The following SMARCD3 variants were observed in gnomAD, a reference collection of about 807,000 sequenced individuals.
SMARCD3 encodes the protein SWI/SNF related BAF chromatin remodeling complex subunit D3.
Under a neutral mutation model 58.0 loss-of-function variants are expected in SMARCD3, and 14 were observed. That is an observed-to-expected ratio of 0.24 (90% confidence interval 0.16 to 0.38). SMARCD3 has a LOEUF of 0.38. SMARCD3 is among the 10% of genes least tolerant of loss of function. The pLI is 1.00. For synonymous variants in SMARCD3, 253 were observed against 253.8 expected (o/e 1.00, Z 0.03); for missense variants, 408 against 636.9 (o/e 0.64, Z 3.87).
At chr7:151,271,344 G>A (rs1795169535) in intron 2 of SMARCD3, among the ~76,000 whole-genome samples, 1 of 152,112 alleles carries the variant, frequency 6.6e-6, no homozygotes. Flanking sequence ...AGCAAACCCA[G>A]GTTAGGGAGT....
In SMARCD3 at chr7:151,248,689, C is replaced by A. The variant is rs978780986; in HGVS notation, c.-127G>T. 4 of 1,411,698 alleles carry A rather than the reference C, an allele frequency of 2.8e-6. No homozygotes were observed. The African/African-American group carries it at 4.4e-5, about 16-fold the overall frequency. The allele number at this position is 1,411,698 out of a possible 1,614,324, so 87.4% of individuals were successfully genotyped here. A position where few individuals can be genotyped will look rare whatever the true frequency, so the allele number is the denominator to read the frequency against. On this transcript the variant is annotated 5_prime_UTR_variant, in exon 1 of 13. Transcript: ENST00000262188. This position sits in a 1 kb window ranked among gnomAD's most constrained non-coding sequence, Gnocchi z 6.1. ...GGGCTCTCTCACACTTCTACTCGAGCGGAGTGGGGAGGGGGCCCCTTCAGG... is the reference window on the plus strand; with the variant it reads ...GGGCTCTCTCACACTTCTACTCGAGAGGAGTGGGGAGGGGGCCCCTTCAGG...
In SMARCD3 at chr7:151,245,665, C is replaced by T. The variant is rs1186777928; in HGVS notation, c.85G>A (p.Gly29Arg). The T allele has an allele frequency of 5.0e-6, 2 of 397,658 alleles. No homozygotes were observed. Among genetic ancestry groups the T allele is most frequent in the African/African-American group, 2.2e-5 (1 of 45,636 alleles). 24.6% of individuals were successfully genotyped at this position (397,658 alleles called of 1,614,324 possible). Residue 29 changes from glycine to arginine, a missense_variant, in exon 2 of 13, where the codon GGG (glycine) becomes AGG (arginine). By Grantham distance (125) the Gly-to-Arg change is moderately radical. Transcript: ENST00000262188. The surrounding 1 kb of genome is among the most constrained non-coding windows in gnomAD (Gnocchi z 6.2). Reference sequence around the variant, plus strand: ...GGCATCCGGGCTCCAGACGGCATCCCGGGGCGCTGGGGGTGGGCGGGGGTG... The same window carrying T: ...GGCATCCGGGCTCCAGACGGCATCCTGGGGCGCTGGGGGTGGGCGGGGGTG... ...FEFLVHGVRP[G>R]MPSGARMPHQ...
rs1049158509 is a variant in SMARCD3, at chr7:151,256,507, C to T, written c.40-10836G>A. On this transcript the variant is annotated intron_variant, in intron 2 of 13. Coordinates refer to the SMARCD3 transcript ENST00000356800. Reference sequence around the variant, plus strand: ...CTCTTGACTCTCTTAAGAGGTAAATCCAGCTTCACCAGCTCCTCCCCTGCA... The same window carrying T: ...CTCTTGACTCTCTTAAGAGGTAAATTCAGCTTCACCAGCTCCTCCCCTGCA... 3.3e-5 allele frequency among the ~76,000 whole-genome samples: 5 copies of T among 152,204 alleles called. No homozygotes were observed. In the South Asian group the frequency reaches 8.3e-4, roughly 25 times the overall value.
At position 151,245,402 on chromosome 7, in the gene SMARCD3, T is replaced by C; in HGVS notation, c.290+58A>G. 3.0e-6 allele frequency: 2 copies of C among 667,962 alleles called. No homozygotes were observed. Among genetic ancestry groups the C allele is most frequent in the East Asian group, 3.5e-5 (1 of 28,394 alleles). The allele number at this position is 667,962 out of a possible 1,614,324, so 41.4% of individuals were successfully genotyped here. A position where few individuals can be genotyped will look rare whatever the true frequency, so the allele number is the denominator to read the frequency against. On this transcript the variant is annotated intron_variant, in intron 2 of 12. Coordinates refer to ENST00000262188, the MANE Select transcript of SMARCD3 (RefSeq NM_001003801.2). This position sits in a 1 kb window ranked among gnomAD's most constrained non-coding sequence, Gnocchi z 6.2. ...CCCCGCTACTCGCTTACCTGGTCCC[T>C]GCGGGTCCCCCAGGGCCCGCCCCTG...
At chr7:151,240,362 G>A (rs1349358804) in intron 9 of SMARCD3, 63 bp downstream of exon 9, 3 of 1,588,024 alleles carry the variant, frequency 1.9e-6, no homozygotes, top group Non-Finnish European at 2.6e-6. Context: ...AGGAGAGGGA[G>A]GGGCAGGGAA....
At chr7:151,268,975 C>T (rs1795077076) in intron 2 of SMARCD3, among the ~76,000 whole-genome samples, 1 of 152,272 alleles carries the variant, frequency 6.6e-6, no homozygotes, top group East Asian at 1.9e-4. Context: ...TACTCTGCCC[C>T]CAGTCACTTC....
At chr7:151,250,673 C>A (rs2150600962), upstream of SMARCD3, among the ~76,000 whole-genome samples, 1 of 152,132 alleles carries the variant, frequency 6.6e-6, no homozygotes, top group South Asian at 2.1e-4. Context: ...TGCCATCTAC[C>A]CAGCACCATG....
chr7:151,244,358 G>A (rs963614434), intron 2 of SMARCD3, among the ~76,000 whole-genome samples: 2 of 152,156 alleles, frequency 1.3e-5, no homozygotes, highest in Non-Finnish European at 2.9e-5. Flanking sequence ...ACTAGGCCCG[G>A]GGTAGTAGCA....
intron 2 of SMARCD3, among the ~76,000 whole-genome samples, chr7:151,263,652 T>C (rs769635831): frequency 2.0e-5 from 3 of 152,218 alleles, no homozygotes; most frequent in African/African-American, 4.8e-5. Flanking sequence ...GCAAATTTTA[T>C]TGGTTTCACC....
intron 2 of SMARCD3, among the ~76,000 whole-genome samples, chr7:151,259,939 C>T (rs138872080): frequency 1.6e-4 from 24 of 152,198 alleles, no homozygotes; most frequent in African/African-American, 5.5e-4. Context: ...GTAATAACAT[C>T]GGCTTAGATT....
Position 151,245,142 on chromosome 7 carries a change from A to G in SMARCD3, c.290+318T>C, listed in dbSNP as rs1212787784. Among the ~76,000 whole-genome samples, 1 of 132,642 alleles carries G rather than the reference A, an allele frequency of 7.5e-6. No homozygotes were observed. Among genetic ancestry groups the G allele is most frequent in the East Asian group, 2.2e-4 (1 of 4,518 alleles). 87.0% of individuals were successfully genotyped at this position (132,642 alleles called of 152,430 possible). On this transcript the variant is annotated intron_variant, in intron 2 of 12. Coordinates refer to ENST00000262188, the MANE Select transcript of SMARCD3 (RefSeq NM_001003801.2). This position sits in a 1 kb window ranked among gnomAD's most constrained non-coding sequence, Gnocchi z 6.2. Reference sequence around the variant, plus strand: ...CCACTGGAAGCCCCGCCCCCACCCCAAAGACTGAAGCATCACCCAGAACCT... The same window carrying G: ...CCACTGGAAGCCCCGCCCCCACCCCGAAGACTGAAGCATCACCCAGAACCT...
intron 2 of SMARCD3, among the ~76,000 whole-genome samples, chr7:151,258,867 A>G (rs1026633690): frequency 5.3e-5 from 8 of 152,004 alleles, no homozygotes; most frequent in Non-Finnish European, 7.4e-5. Context: ...ACCTCCCAAA[A>G]GCCTTTGTTC....
intron 2 of SMARCD3, among the ~76,000 whole-genome samples, chr7:151,244,026 A>G (rs28628509): frequency 1.4e-3 from 219 of 152,222 alleles, no homozygotes; most frequent in African/African-American, 4.9e-3. Flanking sequence ...GTGTTTGAGG[A>G]AAGGTGGGGA....
rs114025575 is a variant in SMARCD3, at chr7:151,242,704, C to T, written c.456+17G>A. 594 of 1,614,020 alleles carry T rather than the reference C, an allele frequency of 3.7e-4. 1 individual carries two copies. In the African/African-American group the frequency reaches 7.3e-3, roughly 20 times the overall value. The stretch of plus-strand genomic sequence containing the variant: ...ACACAACTCTAGAGTCCCCTTCCTA[C>T]CCCCGAACTAAGGCACCTTCATGGG... On this transcript the variant is annotated intron_variant, in intron 4 of 12. Coordinates refer to ENST00000262188, the MANE Select transcript of SMARCD3 (RefSeq NM_001003801.2). The surrounding 1 kb of genome is among the most constrained non-coding windows in gnomAD (Gnocchi z 4.7).
Position 151,240,280 on chromosome 7 carries a change from A to G in SMARCD3, c.1038-33T>C, listed in dbSNP as rs764418315. 6.4e-5 allele frequency: 97 copies of G among 1,508,656 alleles called. 1 individual carries two copies. The South Asian group carries it at 9.9e-4, about 15-fold the overall frequency. 93.5% of individuals were successfully genotyped at this position (1,508,656 alleles called of 1,614,324 possible). Reference sequence around the variant, plus strand: ...GGAAGTCCAGCCCTTCGTGTCCACGATGCCCCCATACGGCCCCAGGGCCCC... The same window carrying G: ...GGAAGTCCAGCCCTTCGTGTCCACGGTGCCCCCATACGGCCCCAGGGCCCC... On this transcript the variant is annotated intron_variant, in intron 9 of 12. Transcript: ENST00000262188.
intron 2 of SMARCD3, among the ~76,000 whole-genome samples, chr7:151,266,002 C>T (rs902186832): frequency 2.0e-5 from 3 of 152,142 alleles, no homozygotes; most frequent in African/African-American, 7.2e-5. Flanking sequence ...CGGAGTCTCA[C>T]TCTGTTGCCC....
chr7:151,240,003 T>TC, intron 10 of SMARCD3, 109 bp downstream of exon 10: 1 of 1,201,006 alleles, frequency 8.3e-7, no homozygotes. Flanking sequence ...TTTTTTTTTT[T>TC]TTTAATTTAA....
rs1271863599 is a variant in SMARCD3, at chr7:151,245,735, C to T, written c.79-64G>A. On this transcript the variant is annotated intron_variant, in intron 1 of 12. Transcript: ENST00000262188. This position sits in a 1 kb window ranked among gnomAD's most constrained non-coding sequence, Gnocchi z 6.2. ...TGGGTCAGACCAGGGCCCCCCGCTC[C>T]AGGCGCGGTGAGCCGGCGTCTCCCC... The T allele has an allele frequency of 2.4e-6, 1 of 417,806 alleles. No homozygotes were observed. The highest frequency in any genetic ancestry group is 4.1e-6 in the Non-Finnish European group (1 of 246,536). 25.9% of individuals were successfully genotyped at this position (417,806 alleles called of 1,614,324 possible).
At chr7:151,257,839 G>A (rs113031346) in intron 2 of SMARCD3, among the ~76,000 whole-genome samples, 11 of 152,082 alleles carry the variant, frequency 7.2e-5, no homozygotes, top group Non-Finnish European at 1.0e-4. Flanking sequence ...TCATTTTTGC[G>A]GTCTCATCAC....
Sources: gnomAD v4.1 joint callset for allele counts (sites outside exome capture counted in the v4.1 genomes callset) on GRCh38, gnomAD v4.1.1 for gene constraint, Gnocchi (gnomAD v3.1) non-coding constraint, MANE v1.5 for transcripts, NCBI Gene and HGNC (gene_info 2026-07-23, HGNC 2026-07-21) for gene names.